The following BMPR2 variants were observed in gnomAD, a reference collection of about 807,000 sequenced individuals.
The protein encoded by BMPR2 is bone morphogenetic protein receptor type-2.
A neutral mutation model predicts 100.8 loss-of-function variants in BMPR2; 29 were observed. That is an observed-to-expected ratio of 0.29 (90% confidence interval 0.21 to 0.39). The LOEUF is 0.39. Ranked by LOEUF, BMPR2 falls within the 10% of genes least tolerant of loss-of-function variation. The pLI, the probability that BMPR2 is intolerant of heterozygous loss-of-function variation, is 1.00. For synonymous variants in BMPR2, 382 were observed against 442.3 expected, an observed-to-expected ratio of 0.86 and a Z score of 1.71; for missense variants, 1,011 against 1,274.5, an observed-to-expected ratio of 0.79 and a Z score of 3.15.
chr2:202,490,542 T>G (rs570233596), intron 3 of BMPR2, among the ~76,000 whole-genome samples: 1 of 152,250 alleles, frequency 6.6e-6, no homozygotes, highest in Non-Finnish European at 1.5e-5. Flanking sequence ...TAAAAAATAC[T>G]TTTCTCACTC....
Position 202,376,877 on chromosome 2 carries a change from A to C in BMPR2, c.-598A>C. On this transcript the variant is annotated 5_prime_UTR_variant, in exon 1 of 13. Coordinates refer to ENST00000374580, the MANE Select transcript of BMPR2 (RefSeq NM_001204.7). Reference sequence around the variant, plus strand: ...GGACTGTGAGCTTGTCCATGGAGGCAGGCACCTTTTTTGATCCAGTCAAGG... The same window carrying C: ...GGACTGTGAGCTTGTCCATGGAGGCCGGCACCTTTTTTGATCCAGTCAAGG... 2.4e-6 allele frequency: 1 copy of C among 410,340 alleles called. No homozygotes were observed. The highest frequency in any genetic ancestry group is 4.3e-6 in the Non-Finnish European group (1 of 233,862). The allele number at this position is 410,340 out of a possible 1,614,324, so 25.4% of individuals were successfully genotyped here.
At chr2:202,449,481 A>G (rs1022851731) in intron 1 of BMPR2, among the ~76,000 whole-genome samples, 37 of 152,154 alleles carry the variant, frequency 2.4e-4, no homozygotes, top group African/African-American at 8.4e-4. Flanking sequence ...GTGGTTTACT[A>G]TGCCTAAAGT....
In BMPR2 at chr2:202,562,916, T is replaced by G. The variant is rs1688699669; in HGVS notation, c.*2970T>G. 6.6e-6 allele frequency: 1 copy of G among 152,196 alleles called. No individual in the cohort carries two copies. Among genetic ancestry groups the G allele is most frequent in the South Asian group, 2.1e-4 (1 of 4,834 alleles). The allele number at this position is 152,196 out of a possible 1,614,324, so 9.4% of individuals were successfully genotyped here. Reference sequence around the variant, plus strand: ...AATGCTGAAGTATACATATGCTATTTCTCTTAAACCTCAGAGCAACCATAT... The same window carrying G: ...AATGCTGAAGTATACATATGCTATTGCTCTTAAACCTCAGAGCAACCATAT... On this transcript the variant is annotated 3_prime_UTR_variant, in exon 13 of 13. Transcript: ENST00000374580.
intron 9 of BMPR2, among the ~76,000 whole-genome samples, chr2:202,540,801 A>T (rs942177026): frequency 6.6e-6 from 1 of 152,164 alleles, no homozygotes; most frequent in African/African-American, 2.4e-5. Flanking sequence ...CAAGGTCAAG[A>T]TGAAGTGAAG....
Position 202,377,026 on chromosome 2 carries a change from G to C in BMPR2, c.-449G>C. The C allele has an allele frequency of 2.2e-6, 1 of 460,306 alleles. No individual in the cohort carries two copies. Among genetic ancestry groups the C allele is most frequent in the Non-Finnish European group, 3.8e-6 (1 of 263,182 alleles). 28.5% of individuals were successfully genotyped at this position (460,306 alleles called of 1,614,324 possible). A position where few individuals can be genotyped will look rare whatever the true frequency, so the allele number is the denominator to read the frequency against. The stretch of plus-strand genomic sequence containing the variant: ...TGCCGGGCGCCGCCGCCGCCCGTCC[G>C]GCTTCGTCCTTCCCGGCAGTCGGGA... On this transcript the variant is annotated 5_prime_UTR_variant, in exon 1 of 13. Transcript: ENST00000374580.
intron 1 of BMPR2, among the ~76,000 whole-genome samples, chr2:202,387,618 G>T (rs1454934576): frequency 6.6e-6 from 1 of 152,160 alleles, no homozygotes; most frequent in African/African-American, 2.4e-5. Flanking sequence ...TGCTGTAAAT[G>T]ACAGCAAATA....
In BMPR2 at chr2:202,514,973, G is replaced by C. The variant is rs1052155506; in HGVS notation, c.615G>C (p.Leu205=). 1 of 1,614,066 alleles carries C rather than the reference G, an allele frequency of 6.2e-7. No individual in the cohort carries two copies. Among genetic ancestry groups the C allele is most frequent in the Non-Finnish European group, 8.5e-7 (1 of 1,179,964 alleles). ...CTCTTGATCTAGATAATCTGAAACT[G>C]TTGGAGGTAAGTTTGCCGTTAGATT... ...EPSLDLDNLK[L]LELIGRGRYG... The change falls in exon 5 of 13, where the codon CTG becomes CTC. Residue 205 remains leucine, a synonymous_variant. Coordinates refer to ENST00000374580, the MANE Select transcript of BMPR2 (RefSeq NM_001204.7).
intron 9 of BMPR2, among the ~76,000 whole-genome samples, chr2:202,537,562 G>A (rs1688184980): frequency 6.6e-6 from 1 of 152,068 alleles, no homozygotes; most frequent in South Asian, 2.1e-4. Context: ...TTTCAGTTTG[G>A]GAAGATAGAA....
chr2:202,420,542 T>A (rs1465877263), intron 1 of BMPR2, among the ~76,000 whole-genome samples: 1 of 126,082 alleles, frequency 7.9e-6, no homozygotes. Flanking sequence ...GCATGATTTT[T>A]TTTTTTTTTT....
At chr2:202,462,234 T>G (rs2105957428) in intron 1 of BMPR2, among the ~76,000 whole-genome samples, 1 of 151,598 alleles carries the variant, frequency 6.6e-6, no homozygotes, top group South Asian at 2.1e-4. Flanking sequence ...CCACTATTTT[T>G]TTTTTTTTTT....
At chr2:202,556,629 A>AC in intron 12 of BMPR2, 98 bp downstream of exon 12, 1 of 1,376,580 alleles carries the variant, frequency 7.3e-7, no homozygotes, top group Non-Finnish European at 1.0e-6. Flanking sequence ...ACTAGTGATT[A>AC]TTTACCTTTA....
intron 3 of BMPR2, chr2:202,475,191 T>TCCA (rs1333549039): frequency 5.9e-5 from 9 of 152,150 alleles, no homozygotes; most frequent in Non-Finnish European, 7.3e-5. Flanking sequence ...CTCGTTCTGT[T>TCCA]GCCCAGGTGG....
At chr2:202,417,717 CT>C (rs796968681) in intron 1 of BMPR2, among the ~76,000 whole-genome samples, 248 of 144,784 alleles carry the variant, frequency 1.7e-3, no homozygotes, top group African/African-American at 3.9e-3. Context: ...TTCTATATTC[CT>C]TTTTTTTTTT....
At chr2:202,467,795 A>T (rs906486034) in intron 3 of BMPR2, 106 bp downstream of exon 3, 5 of 1,144,950 alleles carry the variant, frequency 4.4e-6, no homozygotes, top group Non-Finnish European at 6.4e-6. Flanking sequence ...GTGATGGCTC[A>T]TGCCTGTAAT....
In BMPR2 at chr2:202,495,105, C is replaced by T. The variant is rs1309854993; in HGVS notation, c.419-18614C>T. 6.6e-6 allele frequency among the ~76,000 whole-genome samples: 1 copy of T among 152,206 alleles called. No individual in the cohort carries two copies. The highest frequency in any genetic ancestry group is 1.5e-5 in the Non-Finnish European group (1 of 68,044). On this transcript the variant is annotated intron_variant, in intron 3 of 12. Transcript: ENST00000374580. This position sits in a 1 kb window ranked among gnomAD's most constrained non-coding sequence, Gnocchi z 4.5. ...CAGTGGGCGTGTGTTACAGGGTGCT[C>T]TTTTAGTTTGCCATCTATAGGCGGC...
At chr2:202,456,497 G>T (rs1212697024) in intron 1 of BMPR2, among the ~76,000 whole-genome samples, 1 of 149,476 alleles carries the variant, frequency 6.7e-6, no homozygotes, top group African/African-American at 2.5e-5. Context: ...TATTTATGTA[G>T]CACTTTTCTT....
intron 1 of BMPR2, among the ~76,000 whole-genome samples, chr2:202,461,769 G>GA (rs552296062): frequency 1.8e-3 from 269 of 151,642 alleles, no homozygotes; most frequent in Admixed American, 3.3e-3. Context: ...CTAATGATAA[G>GA]AAAAAAAGAA....
chr2:202,402,585 C>G (rs1395064044), intron 1 of BMPR2, among the ~76,000 whole-genome samples: 1 of 151,954 alleles, frequency 6.6e-6, no homozygotes, highest in Non-Finnish European at 1.5e-5. Flanking sequence ...AACTTTTTCT[C>G]CCATTAGCCT....
Position 202,448,638 on chromosome 2 carries a change from A to G in BMPR2, c.77-16171A>G, listed in dbSNP as rs767254250. Among the ~76,000 whole-genome samples the G allele has an allele frequency of 1.8e-4, 27 of 150,698 alleles. No individual in the cohort carries two copies. The East Asian group carries it at 2.9e-3, about 16-fold the overall frequency. ...TGCCTGGCTAATTTTTTGTATTTTT[A>G]TTAGAGACGGGGTTTCGACATGTTA... On this transcript the variant is annotated intron_variant, in intron 1 of 12. Coordinates refer to ENST00000374580, the MANE Select transcript of BMPR2 (RefSeq NM_001204.7).
Sources: allele counts gnomAD v4.1 joint callset (sites outside exome capture counted in the v4.1 genomes callset), GRCh38; gene constraint gnomAD v4.1.1; non-coding constraint Gnocchi (gnomAD v3.1); transcripts MANE v1.5; gene names NCBI Gene and HGNC (gene_info 2026-07-23, HGNC 2026-07-21).